The following ASTN2 variants were observed in gnomAD, a reference collection of about 807,000 sequenced individuals.
ASTN2 encodes the protein astrotactin 2, also known as astrotactin-2.
ASTN2 carries 54 observed loss-of-function variants against 139.8 expected under a neutral mutation model. The observed-to-expected ratio is 0.39, with a 90% CI of 0.31 to 0.48. The LOEUF (loss-of-function observed/expected upper bound fraction) is 0.48, where lower values mean the gene tolerates loss of function less well. Ranked by LOEUF, ASTN2 falls within the 20% of genes least tolerant of loss-of-function variation. The pLI is 0.95. For missense variants in ASTN2, 1,565 were observed against 1,725.1 expected, an observed-to-expected ratio of 0.91 and a Z score of 1.64; for synonymous variants, 756 against 719.5, an observed-to-expected ratio of 1.05 and a Z score of -0.81.
At chr9:116,725,982 A>G in intron 15 of ASTN2, 32 bp from the exon 16 acceptor site, 1 of 1,578,850 alleles carries the variant, frequency 6.3e-7, no homozygotes, top group Non-Finnish European at 8.6e-7. Flanking sequence ...GGAGGTGGTC[A>G]GATGTGAGAG....
At chr9:116,839,878 ATTATTTTTT>A (rs1005056331) in intron 11 of ASTN2, among the ~76,000 whole-genome samples, 15 of 104,774 alleles carry the variant, frequency 1.4e-4, no homozygotes, top group Middle Eastern at 4.4e-3. Flanking sequence ...TATTATTATT[ATTATTTTTT>A]TTTTTTTAAT....
intron 3 of ASTN2, among the ~76,000 whole-genome samples, chr9:117,156,851 T>C (rs752962429): frequency 9.2e-5 from 14 of 152,076 alleles, no homozygotes; most frequent in Non-Finnish European, 1.9e-4. Context: ...TTAGTAGTTG[T>C]AGAGGAAGAT....
intron 20 of ASTN2, among the ~76,000 whole-genome samples, chr9:116,448,955 G>GTT (rs1329133007): frequency 6.6e-6 from 1 of 152,160 alleles, no homozygotes; most frequent in Non-Finnish European, 1.5e-5. Flanking sequence ...TAGAAAGAGT[G>GTT]TTTCTGCTTT....
chr9:117,014,236 C>A (rs1837613603), intron 6 of ASTN2, among the ~76,000 whole-genome samples: 1 of 152,164 alleles, frequency 6.6e-6, no homozygotes, highest in South Asian at 2.1e-4. Flanking sequence ...TTTTACCCTT[C>A]TCCCAGGTCC....
intron 3 of ASTN2, chr9:117,181,114 A>T (rs1198796890): frequency 3.3e-6 from 3 of 901,032 alleles, no homozygotes; most frequent in Non-Finnish European, 3.7e-6. Context: ...AACAGGCTGC[A>T]TACACTACCA....
At chr9:116,730,392 T>C (rs1001588599) in intron 14 of ASTN2, among the ~76,000 whole-genome samples, 2 of 152,154 alleles carry the variant, frequency 1.3e-5, no homozygotes, top group South Asian at 2.1e-4. Flanking sequence ...AGGAATAAAA[T>C]AGTTTTTTAG....
chr9:117,088,819 G>C (rs1042413330), intron 5 of ASTN2, among the ~76,000 whole-genome samples: 1 of 152,166 alleles, frequency 6.6e-6, no homozygotes, highest in African/African-American at 2.4e-5. Flanking sequence ...TCCAGAGAGG[G>C]AGACAGATGC....
chr9:116,602,070 A>T (rs1365008929), intron 19 of ASTN2, among the ~76,000 whole-genome samples: 1 of 152,220 alleles, frequency 6.6e-6, no homozygotes, highest in Non-Finnish European at 1.5e-5. Flanking sequence ...AGGACAGCAA[A>T]TGTTTCAGAC....
intron 10 of ASTN2, among the ~76,000 whole-genome samples, chr9:116,930,018 T>C (rs1834855478): frequency 6.6e-6 from 1 of 152,158 alleles, no homozygotes; most frequent in Non-Finnish European, 1.5e-5. Context: ...GGAAGGATGC[T>C]TGCTGGAGGT....
chr9:116,906,356 C>T (rs1588400476), intron 10 of ASTN2, among the ~76,000 whole-genome samples: 1 of 152,176 alleles, frequency 6.6e-6, no homozygotes, highest in Non-Finnish European at 1.5e-5. Context: ...TCAAAGGAAA[C>T]ATGACTTTAT....
intron 19 of ASTN2, among the ~76,000 whole-genome samples, chr9:116,529,644 G>A (rs1368491204): frequency 2.0e-5 from 3 of 152,092 alleles, no homozygotes; most frequent in Non-Finnish European, 2.9e-5. Flanking sequence ...ATCTAGAGTT[G>A]TAATCCCCAC....
intron 22 of ASTN2, among the ~76,000 whole-genome samples, chr9:116,429,962 A>G (rs1162237662): frequency 3.3e-5 from 5 of 152,184 alleles, no homozygotes; most frequent in African/African-American, 1.2e-4. Context: ...GCCCATCCCA[A>G]GTCAGACCGG....
chr9:116,480,211 G>C (rs888042348), intron 20 of ASTN2, among the ~76,000 whole-genome samples: 5 of 151,850 alleles, frequency 3.3e-5, no homozygotes, highest in Admixed American at 6.6e-5. Flanking sequence ...AGAGAGGGAA[G>C]TGGAAAGAAG....
At chr9:117,167,376 CT>C (rs1830693186) in intron 3 of ASTN2, among the ~76,000 whole-genome samples, 1 of 152,038 alleles carries the variant, frequency 6.6e-6, no homozygotes, top group African/African-American at 2.4e-5. Flanking sequence ...TAAAACATTA[CT>C]TTTTAGTGGT....
rs1211760123 is a variant in ASTN2 at position 116,425,683 on chromosome 9, C to G, written c.*168G>C. 6.2e-7 allele frequency: 1 copy of G among 1,608,924 alleles called. No homozygotes were observed. The highest frequency in any genetic ancestry group is 8.5e-7 in the Non-Finnish European group (1 of 1,178,226). ...ATAATTCCATTGGTTACAAAGGTCT[C>G]TGTCCACTATCCACAGGAGAAACCG... is the stretch of plus-strand genomic sequence containing the variant. On this transcript the variant is annotated 3_prime_UTR_variant, in exon 23 of 23. Coordinates refer to ENST00000313400, the MANE Select transcript of ASTN2 (RefSeq NM_001365068.1).
At chr9:116,943,366 C>G (rs551971744) in intron 10 of ASTN2, among the ~76,000 whole-genome samples, 1 of 152,246 alleles carries the variant, frequency 6.6e-6, no homozygotes, top group African/African-American at 2.4e-5. Flanking sequence ...TTTCTTTCTT[C>G]CCTAACCTGT....
chr9:116,466,533 T>C lies in ASTN2; in HGVS notation c.3497+20826A>G, dbSNP rs938021002. Among the ~76,000 whole-genome samples, 10 of 152,314 alleles carry C rather than the reference T, an allele frequency of 6.6e-5. No homozygotes were observed. In the South Asian group the frequency reaches 2.1e-3, roughly 32 times the overall value. ...ACCTATTCTCTTTTCATAAATTTGG[T>C]TGCTGCCTCCAAGTAGGGTTTTCTA... is the stretch of plus-strand genomic sequence containing the variant. On this transcript the variant is annotated intron_variant, in intron 20 of 22. Coordinates refer to ENST00000313400, the MANE Select transcript of ASTN2 (RefSeq NM_001365068.1).
At chr9:117,245,893 A>G (rs1346601871) in intron 2 of ASTN2, among the ~76,000 whole-genome samples, 3 of 152,062 alleles carry the variant, frequency 2.0e-5, no homozygotes, top group African/African-American at 7.2e-5. Flanking sequence ...CTCTTTGCCT[A>G]GGTCTCTGGG....
At chr9:116,913,980 T>C (rs923161856) in intron 10 of ASTN2, among the ~76,000 whole-genome samples, 4 of 148,978 alleles carry the variant, frequency 2.7e-5, no homozygotes, top group South Asian at 4.4e-4. Flanking sequence ...AAGGAACAGA[T>C]TGATGATAGT....
Sources: gnomAD v4.1 joint callset for allele counts (sites outside exome capture counted in the v4.1 genomes callset) on GRCh38, gnomAD v4.1.1 for gene constraint, MANE v1.5 for transcripts, NCBI Gene and HGNC (gene_info 2026-07-23, HGNC 2026-07-21) for gene names.